The following TBL1Y variants were observed in gnomAD, a reference collection of about 807,000 sequenced individuals.
TBL1Y encodes transducin beta like 1 Y-linked.
TBL1Y carries 15 observed loss-of-function variants against 12.0 expected under a neutral mutation model. That is an observed-to-expected ratio of 1.25 (90% CI 0.83 to 1.92). The LOEUF is 1.92. TBL1Y is among the 40% of genes most tolerant of loss of function. The probability of loss-of-function intolerance (pLI) is 0.00; values close to 1 mark genes in which losing one functional copy is unlikely to be tolerated. For synonymous variants in TBL1Y, 53 were observed against 42.6 expected (o/e 1.24, Z -0.95); for missense variants, 148 against 116.7 (o/e 1.27, Z -1.24).
chrY:7,074,630 T>A lies in TBL1Y; in HGVS notation c.955+10T>A, dbSNP rs1292976695. ...TTTCCTTTTCATTCAGGTGAGTCTTTATGTTTGTGTTTTGTAATTTGAAAA... is the reference window on the plus strand; with the variant it reads ...TTTCCTTTTCATTCAGGTGAGTCTTAATGTTTGTGTTTTGTAATTTGAAAA... On this transcript the variant is annotated intron_variant, in intron 13 of 18. Coordinates refer to ENST00000383032, the MANE Select transcript of TBL1Y (RefSeq NM_033284.2). 1 of 395,191 alleles carries A rather than the reference T, an allele frequency of 2.5e-6. No homozygotes were observed.
chrY:7,064,301 G>A, intron 8 of TBL1Y, 152 bp downstream of exon 8: 2 of 171,352 alleles, frequency 1.2e-5, no homozygotes, highest in Admixed American at 1.2e-4. Context: ...CTACCCAGAA[G>A]AGCTCCCGTT....
chrY:7,030,842 G>A, intron 6 of TBL1Y, among the ~76,000 whole-genome samples: 1 of 33,002 alleles, frequency 3.0e-5, no homozygotes, highest in Admixed American at 2.8e-4. Context: ...GATATTGATA[G>A]ATTAGACAGA....
chrY:6,932,672 C>T, intron 2 of TBL1Y, among the ~76,000 whole-genome samples: 1 of 32,552 alleles, frequency 3.1e-5, no homozygotes, highest in African/African-American at 1.2e-4. Context: ...GGGGTTTCAC[C>T]GTATTGGCCA....
intron 7 of TBL1Y, among the ~76,000 whole-genome samples, chrY:7,047,331 C>T: frequency 2.9e-5 from 1 of 33,989 alleles, no homozygotes; most frequent in East Asian, 7.7e-4. Context: ...CCAGAACATG[C>T]ATTGAAAATA....
intron 2 of TBL1Y, among the ~76,000 whole-genome samples, chrY:6,912,607 G>C: frequency 3.1e-5 from 1 of 32,715 alleles, no homozygotes; most frequent in Non-Finnish European, 7.4e-5. Flanking sequence ...AAGGCGAGTG[G>C]ATCACCTGCA....
chrY:7,063,074 G>A, intron 7 of TBL1Y, among the ~76,000 whole-genome samples: 1 of 32,630 alleles, frequency 3.1e-5, no homozygotes, highest in Admixed American at 2.8e-4. Context: ...CACAGGGTGG[G>A]TTCTGATTTT....
chrY:6,959,528 C>T (rs937583835), intron 2 of TBL1Y, among the ~76,000 whole-genome samples: 2 of 32,655 alleles, frequency 6.1e-5, no homozygotes, highest in African/African-American at 1.2e-4. Flanking sequence ...AGAGGACAGA[C>T]GTACAAGAAT....
At chrY:7,036,921 G>A in intron 6 of TBL1Y, among the ~76,000 whole-genome samples, 1 of 33,993 alleles carries the variant, frequency 2.9e-5, no homozygotes, top group Non-Finnish European at 7.3e-5. Flanking sequence ...TGGTGATCAG[G>A]AAAGTTACTG....
In TBL1Y at chrY:7,070,347, G is replaced by T; in HGVS notation, c.590+19G>T. The T allele has an allele frequency of 5.1e-6, 2 of 395,475 alleles. No homozygotes were observed. Among genetic ancestry groups the T allele is most frequent in the Non-Finnish European group, 7.1e-6 (2 of 281,679 alleles). ...CCTCTGGGTAAGGAAGTCAGGATGG[G>T]GGCACTCCAGGGTCAGGGAGACGCA... On this transcript the variant is annotated intron_variant, in intron 9 of 18. Coordinates refer to ENST00000383032, the MANE Select transcript of TBL1Y (RefSeq NM_033284.2).
At chrY:7,063,593 G>C (rs2012915927) in intron 7 of TBL1Y, among the ~76,000 whole-genome samples, 1 of 33,037 alleles carries the variant, frequency 3.0e-5, no homozygotes, top group Non-Finnish European at 7.4e-5. Flanking sequence ...GAATGAGTCA[G>C]GGTGGAGTAG....
chrY:7,074,107 G>T (rs959244609), intron 12 of TBL1Y, among the ~76,000 whole-genome samples: 1 of 33,922 alleles, frequency 2.9e-5, no homozygotes, highest in African/African-American at 1.1e-4. Context: ...GGATGAGGAA[G>T]AATCTCCACC....
At chrY:6,978,856 A>G in intron 3 of TBL1Y, among the ~76,000 whole-genome samples, 1 of 33,365 alleles carries the variant, frequency 3.0e-5, no homozygotes. Context: ...ATAGCTTGTT[A>G]AAACTTTGTC....
intron 4 of TBL1Y, among the ~76,000 whole-genome samples, chrY:6,999,342 G>A (rs2012430135): frequency 3.0e-5 from 1 of 33,321 alleles, no homozygotes; most frequent in Non-Finnish European, 7.4e-5. Flanking sequence ...GGTGGGATGA[G>A]GCAGTGTTGG....
chrY:7,032,279 T>C, intron 6 of TBL1Y, among the ~76,000 whole-genome samples: 1 of 33,078 alleles, frequency 3.0e-5, no homozygotes, highest in East Asian at 8.0e-4. Flanking sequence ...ATCATGACAG[T>C]ATACTGCAGC....
chrY:6,914,643 G>A (rs2011722817), intron 2 of TBL1Y, among the ~76,000 whole-genome samples: 1 of 32,404 alleles, frequency 3.1e-5, no homozygotes, highest in South Asian at 7.1e-4. Flanking sequence ...GCAGTGAGCC[G>A]AGATCGCACC....
intron 4 of TBL1Y, among the ~76,000 whole-genome samples, chrY:6,997,341 G>C (rs945990826): frequency 3.1e-5 from 1 of 32,508 alleles, no homozygotes; most frequent in Non-Finnish European, 7.5e-5. Flanking sequence ...GCTTGAACCT[G>C]GGAGGCTTGA....
At chrY:6,927,831 T>C (rs2011836873) in intron 2 of TBL1Y, among the ~76,000 whole-genome samples, 1 of 33,056 alleles carries the variant, frequency 3.0e-5, no homozygotes, top group Admixed American at 2.8e-4. Flanking sequence ...TCCAGACACG[T>C]ATTTCGTCTG....
chrY:7,064,593 C>T, intron 8 of TBL1Y, among the ~76,000 whole-genome samples: 1 of 33,806 alleles, frequency 3.0e-5, no homozygotes, highest in Non-Finnish European at 7.3e-5. Flanking sequence ...TGCAAAATCC[C>T]AGAACATCAT....
intron 6 of TBL1Y, among the ~76,000 whole-genome samples, chrY:7,026,632 C>G: frequency 3.0e-5 from 1 of 33,736 alleles, no homozygotes; most frequent in South Asian, 6.9e-4. Flanking sequence ...GCTTGCTGGT[C>G]CCGAGGGTCC....
Sources: gnomAD v4.1 joint callset for allele counts (sites outside exome capture counted in the v4.1 genomes callset) on GRCh38, gnomAD v4.1.1 for gene constraint, MANE v1.5 for transcripts, NCBI Gene and HGNC (gene_info 2026-07-23, HGNC 2026-07-21) for gene names.